Variants in ARID1B observed in about 807,000 individuals in gnomAD.
The protein encoded by ARID1B is AT-rich interactive domain-containing protein 1B.
In ARID1B, 30 loss-of-function variants were observed where a neutral mutation model predicts 212.3. The observed-to-expected ratio is 0.14, with a 90% CI of 0.11 to 0.19. The LOEUF is 0.19. Ranked by LOEUF, ARID1B falls within the 10% of genes least tolerant of loss-of-function variation. The pLI, the probability that ARID1B is intolerant of heterozygous loss-of-function variation, is 1.00. For synonymous variants in ARID1B, 1,402 were observed against 1,301.7 expected (o/e 1.08, Z -1.66); for missense variants, 2,891 against 3,204.0 (o/e 0.90, Z 2.36).
At chr6:157,153,090 A>C (rs920768807) in intron 8 of ARID1B, among the ~76,000 whole-genome samples, 22 of 152,254 alleles carry the variant, frequency 1.4e-4, no homozygotes, top group African/African-American at 5.3e-4. Flanking sequence ...GATAGTAGAG[A>C]GAAAAAACAT....
At chr6:157,131,304 G>A (rs1354327037) in intron 6 of ARID1B, among the ~76,000 whole-genome samples, 1 of 152,178 alleles carries the variant, frequency 6.6e-6, no homozygotes, top group East Asian at 1.9e-4. Context: ...GGGGAAGAGA[G>A]ATGATAAGTG....
Position 156,909,650 on chromosome 6 carries a change from C to T in ARID1B, c.2136+8125C>T, listed in dbSNP as rs145512148. The stretch of plus-strand genomic sequence containing the variant: ...CTCCTCCCCAAAATTTGTGCCTTGA[C>T]CTCTTGAAAAACCTGGGTCAACTGT... On this transcript the variant is annotated intron_variant, in intron 3 of 19. Transcript: ENST00000636930. 1.6e-3 allele frequency among the ~76,000 whole-genome samples: 250 copies of T among 152,292 alleles called. 1 individual carries two copies. The highest frequency in any genetic ancestry group is 5.4e-3 in the African/African-American group (225 of 41,562).
intron 2 of ARID1B, among the ~76,000 whole-genome samples, chr6:156,897,571 G>A (rs924253824): frequency 5.3e-5 from 8 of 152,000 alleles, no homozygotes; most frequent in Middle Eastern, 6.8e-3. Context: ...ACTGCACCCA[G>A]CCAGATTCTT....
intron 6 of ARID1B, among the ~76,000 whole-genome samples, chr6:157,125,091 G>A (rs76436807): frequency 0.026 from 3,963 of 152,294 alleles, 61 homozygotes; most frequent in Admixed American, 0.038. Flanking sequence ...CCAGGGTAGG[G>A]CGGCAGACTC....
Position 156,777,701 on chromosome 6 carries a change from G to A in ARID1B, c.21G>A (p.Ala7=), listed in dbSNP as rs186825263. 2.9e-4 allele frequency: 40 copies of A among 137,998 alleles called. No homozygotes were observed. Among genetic ancestry groups the A allele is most frequent in the Non-Finnish European group, 4.1e-4 (25 of 61,312 alleles). 8.5% of individuals were successfully genotyped at this position (137,998 alleles called of 1,614,324 possible). MAARAA[A]AAAAAAARAR... ...CGATCATGGCCGCGCGGGCAGCAGC[G>A]GCGGCGGCGGCGGCGGCGGCGCGGG... The change falls in exon 1 of 20, where the codon GCG becomes GCA. Residue 7 remains alanine, a synonymous_variant. Transcript: ENST00000636930.
Position 156,778,252 on chromosome 6 carries a change from A to G in ARID1B, c.572A>G (p.Gln191Arg). The G allele has an allele frequency of 1.3e-6, 2 of 1,542,536 alleles. No individual in the cohort carries two copies. The highest frequency in any genetic ancestry group is 1.4e-5 in the African/African-American group (1 of 73,078). The change falls in exon 1 of 20, where the codon CAG becomes CGG. Residue 191 changes from glutamine to arginine, a missense_variant. Around this residue, in one of 7 missense-constraint regions of ARID1B, gnomAD observed 1,643 missense variants for 1,544.0 expected, o/e 1.06. Transcript: ENST00000636930. ...CTCCACCACCACCACGCACTACAGC[A>G]GCAGCTAAACCAGTTCCAGCAGCAG... Reference protein sequence around the residue: ...HHLHHHHALQQQLNQFQQQQQ... With the variant: ...HHLHHHHALQRQLNQFQQQQQ...
chr6:157,205,400 C>T (rs1028298893), intron 19 of ARID1B: 1 of 152,146 alleles, frequency 6.6e-6, no homozygotes, highest in Non-Finnish European at 1.5e-5. Flanking sequence ...AGTTGCTAAT[C>T]GTGAAGTGTA....
At chr6:157,151,353 G>A (rs1790185972) in intron 8 of ARID1B, 1 of 152,206 alleles carries the variant, frequency 6.6e-6, no homozygotes, top group Non-Finnish European at 1.5e-5. Context: ...ACTCACTGCA[G>A]TTGAGCTGAC....
chr6:157,107,181 C>T (rs1216909216), intron 5 of ARID1B, among the ~76,000 whole-genome samples: 1 of 152,066 alleles, frequency 6.6e-6, no homozygotes, highest in African/African-American at 2.4e-5. Context: ...CAGTACTGTT[C>T]AAAGGTGTCA....
At chr6:156,945,865 G>A (rs551013592) in intron 4 of ARID1B, among the ~76,000 whole-genome samples, 1 of 150,828 alleles carries the variant, frequency 6.6e-6, no homozygotes, top group South Asian at 2.1e-4. Flanking sequence ...AAAATTACCT[G>A]GGTGTGGTAG....
intron 4 of ARID1B, among the ~76,000 whole-genome samples, chr6:157,022,133 G>C (rs1166375051): frequency 6.6e-6 from 1 of 152,094 alleles, no homozygotes; most frequent in South Asian, 2.1e-4. Flanking sequence ...GCCAAGAACA[G>C]GGCGGGGAGG....
intron 2 of ARID1B, among the ~76,000 whole-genome samples, chr6:156,875,311 A>G (rs1415215761): frequency 6.6e-6 from 1 of 152,250 alleles, no homozygotes; most frequent in Non-Finnish European, 1.5e-5. Context: ...GAGCTTTACA[A>G]ATCACTCATT....
chr6:157,019,211 G>T (rs555161804), intron 4 of ARID1B, among the ~76,000 whole-genome samples: 1 of 152,198 alleles, frequency 6.6e-6, no homozygotes, highest in Non-Finnish European at 1.5e-5. Context: ...GGGAGAATGG[G>T]TTGGAAAGAG....
At chr6:157,019,544 G>C (rs944239483) in intron 4 of ARID1B, among the ~76,000 whole-genome samples, 1 of 152,170 alleles carries the variant, frequency 6.6e-6, no homozygotes, top group Non-Finnish European at 1.5e-5. Context: ...TTTCTCTCTA[G>C]ATTTGGAGGA....
intron 2 of ARID1B, chr6:156,829,834 A>C (rs1480088380): frequency 3.2e-5 from 5 of 154,248 alleles, no homozygotes; most frequent in Non-Finnish European, 7.2e-5. Flanking sequence ...GATGGCATCA[A>C]GTTTTTAAAA....
chr6:157,160,328 A>G (rs989287765), intron 8 of ARID1B, among the ~76,000 whole-genome samples: 2 of 152,158 alleles, frequency 1.3e-5, no homozygotes, highest in African/African-American at 4.8e-5. Flanking sequence ...TCTTTATTTC[A>G]GTGACTGCTC....
chr6:156,942,761 C>T (rs1792773407), intron 4 of ARID1B: 1 of 152,702 alleles, frequency 6.5e-6, no homozygotes, highest in Non-Finnish European at 1.5e-5. Flanking sequence ...CCTCCTATTG[C>T]TTCTCCTGGG....
chr6:157,000,395 G>A (rs1778840166), intron 4 of ARID1B, among the ~76,000 whole-genome samples: 1 of 152,162 alleles, frequency 6.6e-6, no homozygotes, highest in Non-Finnish European at 1.5e-5. Flanking sequence ...CTATTTCTTT[G>A]TGATGGGGAT....
Position 156,779,164 on chromosome 6 carries a change from C to A in ARID1B, c.1484C>A (p.Pro495Gln). The A allele has an allele frequency of 7.6e-7, 1 of 1,322,726 alleles. No homozygotes were observed. The highest frequency in any genetic ancestry group is 3.2e-5 in the East Asian group (1 of 31,146). The allele number at this position is 1,322,726 out of a possible 1,614,324, so 81.9% of individuals were successfully genotyped here. The change falls in exon 1 of 20, where the codon CCG becomes CAG. Residue 495 changes from proline to glutamine, a missense_variant. Around this residue, in one of 7 missense-constraint regions of ARID1B, gnomAD observed 1,643 missense variants for 1,544.0 expected, o/e 1.06. Transcript: ENST00000636930. ...FQRFAGQNQH[P>Q]SGATPTLNQL... is the part of the protein sequence containing the mutation. Reference sequence around the variant, plus strand: ...CGCTTCGCCGGCCAGAACCAGCACCCGTCGGGGGCCACCCCGACCCTCAAT... The same window carrying A: ...CGCTTCGCCGGCCAGAACCAGCACCAGTCGGGGGCCACCCCGACCCTCAAT...
Sources: allele counts gnomAD v4.1 joint callset (sites outside exome capture counted in the v4.1 genomes callset), GRCh38; gene constraint gnomAD v4.1.1; regional missense constraint gnomAD v4.1.1; transcripts MANE v1.5; gene names NCBI Gene and HGNC (gene_info 2026-07-23, HGNC 2026-07-21).